The following ADAMTS20 variants were observed in gnomAD, a reference collection of about 807,000 sequenced individuals.
ADAMTS20 encodes the protein ADAM metallopeptidase with thrombospondin type 1 motif 20.
In ADAMTS20, 225 loss-of-function variants were observed where a neutral mutation model predicts 260.1. The ratio of observed to expected loss-of-function variants is 0.87; its 90% confidence interval spans 0.78 to 0.97. The LOEUF is 0.97. Ranked by LOEUF, ADAMTS20 falls within the 50% of genes least tolerant of loss-of-function variation. ADAMTS20 has a pLI of 0.00. For missense variants in ADAMTS20, 2,400 were observed against 2,337.7 expected, an observed-to-expected ratio of 1.03 and a Z score of -0.55; for synonymous variants, 802 against 769.5, an observed-to-expected ratio of 1.04 and a Z score of -0.70.
chr12:43,373,985 T>A (rs1360369775), intron 36 of ADAMTS20, among the ~76,000 whole-genome samples: 2 of 151,862 alleles, frequency 1.3e-5, no homozygotes, highest in Non-Finnish European at 2.9e-5. Context: ...GGCCGAAATA[T>A]CATCTCTTAA....
At position 43,452,536 on chromosome 12, in the gene ADAMTS20, C is replaced by T. The variant is rs775263926; in HGVS notation, c.1920G>A (p.Arg640=). 37 of 1,612,480 alleles carry T rather than the reference C, an allele frequency of 2.3e-5. No individual in the cohort carries two copies. The highest frequency in any genetic ancestry group is 3.0e-5 in the Non-Finnish European group (35 of 1,179,056). ...LDISGIPSNV[R]WLPRYSGIGT... ...TACTGCCACTGTATCTTGGAAGCCA[C>T]CTCACATTAGAGGGAATGCCACTGA... Residue 640 remains arginine (R), a synonymous_variant, in exon 13 of 39, where the codon AGG becomes AGA. Coordinates refer to ENST00000389420, the MANE Select transcript of ADAMTS20 (RefSeq NM_025003.5).
chr12:43,377,394 C>A lies in ADAMTS20; in HGVS notation c.4966G>T (p.Ala1656Ser), dbSNP rs1017253837. 1.9e-6 allele frequency: 3 copies of A among 1,612,576 alleles called. No homozygotes were observed. Among genetic ancestry groups the A allele is most frequent in the Non-Finnish European group, 2.5e-6 (3 of 1,179,140 alleles). Reference sequence around the variant, plus strand: ...CTCCATTTTCCAACTTTCCAAGTGGCCAAATGCAAACAGCTGTTAATGCAT... The same window carrying A: ...CTCCATTTTCCAACTTTCCAAGTGGACAAATGCAAACAGCTGTTAATGCAT... ...YQCINSCLHL[A>S]TWKVGKWSKC... Residue 1656 changes from alanine to serine, a missense_variant, in exon 32 of 39, where the codon GCC becomes TCC. By Grantham distance (99) the Ala-to-Ser change is moderately conservative. Transcript: ENST00000389420.
chr12:43,518,817 GAA>G lies in ADAMTS20; in HGVS notation c.613+13217_613+13218del, dbSNP rs34834714. ...GAACTCCATCCTTCCACTGGCTCAG[GAA>G]AAAAAAAAAAAAAAAAAGAATAATC... On this transcript the variant is annotated intron_variant, in intron 3 of 38. Transcript: ENST00000389420. Among the ~76,000 whole-genome samples the G allele has an allele frequency of 4.1e-3, 456 of 111,914 alleles. 3 individuals are homozygous for G. The highest frequency in any genetic ancestry group is 0.011 in the African/African-American group (332 of 29,768). The allele number at this position is 111,914 out of a possible 152,430, so 73.4% of individuals were successfully genotyped here. A position where few individuals can be genotyped will look rare whatever the true frequency, so the allele number is the denominator to read the frequency against.
chr12:43,395,677 C>CTTTTT (rs5797860), intron 29 of ADAMTS20, among the ~76,000 whole-genome samples: 10 of 90,822 alleles, frequency 1.1e-4, no homozygotes, highest in African/African-American at 1.3e-4. Context: ...GTGTGAGATT[C>CTTTTT]TTTTTTTTTT....
In ADAMTS20 at chr12:43,383,683, A is replaced by C; in HGVS notation, c.4672T>G (p.Cys1558Gly). The change falls in exon 31 of 39, where the codon TGC becomes GGC. Residue 1558 changes from cysteine (C) to glycine (G), a missense_variant. By Grantham distance (159) the Cys-to-Gly change is radical (BLOSUM62 -3). Coordinates refer to ENST00000389420, the MANE Select transcript of ADAMTS20 (RefSeq NM_025003.5). ...ERKDSHQRMECTDNQIRQVNE... is the reference protein window; with the variant it reads ...ERKDSHQRMEGTDNQIRQVNE... Reference sequence around the variant, plus strand: ...ACTTGTCTGATTTGGTTATCTGTGCACTCCATTCGTTGATGTGAATCTTTT... The same window carrying C: ...ACTTGTCTGATTTGGTTATCTGTGCCCTCCATTCGTTGATGTGAATCTTTT... 6.2e-7 allele frequency: 1 copy of C among 1,613,866 alleles called. No individual in the cohort carries two copies. Among genetic ancestry groups the C allele is most frequent in the Non-Finnish European group, 8.5e-7 (1 of 1,179,834 alleles).
At chr12:43,496,247 AATCTTATGAG>A (rs757840607) in intron 4 of ADAMTS20, among the ~76,000 whole-genome samples, 9 of 152,224 alleles carry the variant, frequency 5.9e-5, no homozygotes, top group Non-Finnish European at 1.3e-4. Flanking sequence ...TATCACAACA[AATCTTATGAG>A]ATAGGAACTA....
intron 11 of ADAMTS20, among the ~76,000 whole-genome samples, chr12:43,461,933 T>C (rs1374729858): frequency 6.6e-6 from 1 of 152,226 alleles, no homozygotes; most frequent in Admixed American, 6.5e-5. Flanking sequence ...TGTTAGATGA[T>C]TTCAATGAGT....
chr12:43,476,025 AG>A, intron 7 of ADAMTS20, among the ~76,000 whole-genome samples: 1 of 134,334 alleles, frequency 7.4e-6, no homozygotes, highest in African/African-American at 2.9e-5. Flanking sequence ...GCTTCTGCAC[AG>A]CAAAAGAAAC....
chr12:43,475,445 C>A (rs1198968620), intron 7 of ADAMTS20, among the ~76,000 whole-genome samples: 1 of 141,724 alleles, frequency 7.1e-6, no homozygotes, highest in African/African-American at 2.6e-5. Context: ...AATGCCATCC[C>A]CATCAAGCTA....
intron 2 of ADAMTS20, among the ~76,000 whole-genome samples, chr12:43,535,332 A>C (rs1943279752): frequency 6.6e-6 from 1 of 152,146 alleles, no homozygotes; most frequent in Non-Finnish European, 1.5e-5. Flanking sequence ...AGTTTATGTT[A>C]AGCAAAAGTA....
At chr12:43,524,788 A>T (rs1200481276) in intron 3 of ADAMTS20, among the ~76,000 whole-genome samples, 1 of 152,206 alleles carries the variant, frequency 6.6e-6, no homozygotes, top group African/African-American at 2.4e-5. Context: ...AAGGCTTTCA[A>T]ATTAATCTAA....
chr12:43,361,310 T>C (rs888672803), intron 37 of ADAMTS20, among the ~76,000 whole-genome samples: 1 of 152,242 alleles, frequency 6.6e-6, no homozygotes, highest in African/African-American at 2.4e-5. Context: ...GTTTATATAT[T>C]ACAGAACATC....
chr12:43,447,048 T>C (rs1339994924), intron 14 of ADAMTS20, among the ~76,000 whole-genome samples: 1 of 152,034 alleles, frequency 6.6e-6, no homozygotes, highest in Non-Finnish European at 1.5e-5. Flanking sequence ...CCCAGCTGAA[T>C]TCTACTAGAT....
intron 3 of ADAMTS20, among the ~76,000 whole-genome samples, chr12:43,512,630 C>T (rs2137465338): frequency 6.6e-6 from 1 of 152,150 alleles, no homozygotes. Context: ...GCCCCAACTA[C>T]TAATAATAAA....
intron 10 of ADAMTS20, 53 bp downstream of exon 10, chr12:43,464,538 A>C: frequency 6.4e-7 from 1 of 1,573,930 alleles, no homozygotes; most frequent in Non-Finnish European, 8.6e-7. Flanking sequence ...AATATATTCT[A>C]AGATAACTTT....
intron 28 of ADAMTS20, among the ~76,000 whole-genome samples, chr12:43,412,124 A>C (rs1256549832): frequency 6.6e-6 from 1 of 152,198 alleles, no homozygotes; most frequent in African/African-American, 2.4e-5. Flanking sequence ...GCTATGTAGG[A>C]AAAAACCACA....
chr12:43,536,630 C>T (rs1943299148), intron 2 of ADAMTS20, among the ~76,000 whole-genome samples: 1 of 152,080 alleles, frequency 6.6e-6, no homozygotes. Flanking sequence ...GGAGGACATT[C>T]CACATAGAAG....
chr12:43,447,937 AG>A (rs1941792963), intron 14 of ADAMTS20, among the ~76,000 whole-genome samples: 1 of 152,182 alleles, frequency 6.6e-6, no homozygotes, highest in Non-Finnish European at 1.5e-5. Context: ...CCAACCAGGG[AG>A]GTGAAAGATC....
At chr12:43,518,849 A>C (rs566827288) in intron 3 of ADAMTS20, among the ~76,000 whole-genome samples, 2 of 151,378 alleles carry the variant, frequency 1.3e-5, no homozygotes, top group Non-Finnish European at 2.9e-5. Context: ...ATAATCTGAC[A>C]ACTCTCTTAC....
Sources: allele counts gnomAD v4.1 joint callset (sites outside exome capture counted in the v4.1 genomes callset), GRCh38; gene constraint gnomAD v4.1.1; transcripts MANE v1.5; gene names NCBI Gene and HGNC (gene_info 2026-07-23, HGNC 2026-07-21).